The following CAMK4 variants were observed in gnomAD, a reference collection of about 807,000 sequenced individuals.
The protein encoded by CAMK4 is calcium/calmodulin dependent protein kinase IV, also known as calcium/calmodulin-dependent protein kinase type IV.
CAMK4 carries 22 observed loss-of-function variants against 44.9 expected under a neutral mutation model. The ratio of observed to expected loss-of-function variants is 0.49; its 90% CI spans 0.35 to 0.70. The LOEUF (loss-of-function observed/expected upper bound fraction) is 0.70, where lower values mean the gene tolerates loss of function less well. CAMK4 is among the 30% of genes least tolerant of loss of function. The pLI, the probability that CAMK4 is intolerant of heterozygous loss-of-function variation, is 0.01. For missense variants in CAMK4, 498 were observed against 586.8 expected, an observed-to-expected ratio of 0.85 and a Z score of 1.56; for synonymous variants, 218 against 215.4, an observed-to-expected ratio of 1.01 and a Z score of -0.11.
Position 111,412,474 on chromosome 5 carries a change from A to G in CAMK4, c.459+17692A>G, listed in dbSNP as rs563601890. Among the ~76,000 whole-genome samples, 7 of 152,356 alleles carry G rather than the reference A, an allele frequency of 4.6e-5. No homozygotes were observed. The East Asian group carries it at 1.3e-3, about 29-fold the overall frequency. The stretch of plus-strand genomic sequence containing the variant: ...ACAGAATGCCAGAAGAAGATAAACA[A>G]TATACTGGAAGGACAAAATCAAACC... On this transcript the variant is annotated intron_variant, in intron 5 of 10. Coordinates refer to ENST00000282356, the MANE Select transcript of CAMK4 (RefSeq NM_001744.6).
intron 1 of CAMK4, among the ~76,000 whole-genome samples, chr5:111,268,088 C>T (rs555668381): frequency 6.6e-6 from 1 of 152,260 alleles, no homozygotes; most frequent in South Asian, 2.1e-4. Flanking sequence ...TGAAGAGCTG[C>T]CTGGTGGAAG....
At chr5:111,464,860 A>G (rs1754767147) in intron 7 of CAMK4, among the ~76,000 whole-genome samples, 1 of 152,234 alleles carries the variant, frequency 6.6e-6, no homozygotes, top group African/African-American at 2.4e-5. Context: ...TTAATACCAC[A>G]CACTATGTAT....
Position 111,489,532 on chromosome 5 carries a change from G to A in CAMK4, c.*5066G>A, listed in dbSNP as rs191940838. 5 of 152,204 alleles carry A rather than the reference G, an allele frequency of 3.3e-5. No homozygotes were observed. The highest frequency in any genetic ancestry group is 1.2e-4 in the African/African-American group (5 of 41,526). The allele number at this position is 152,204 out of a possible 1,614,324, so 9.4% of individuals were successfully genotyped here. On this transcript the variant is annotated 3_prime_UTR_variant, in exon 11 of 11. Transcript: ENST00000282356. ...CTCTGTGATGTACTCAAGACGATTG[G>A]GTTGTGTGATACTAACTTCCTTCAA...
At chr5:111,471,474 T>C (rs1348735815) in intron 7 of CAMK4, among the ~76,000 whole-genome samples, 3 of 152,248 alleles carry the variant, frequency 2.0e-5, no homozygotes, top group Non-Finnish European at 4.4e-5. Flanking sequence ...AAACTTTTTA[T>C]AAAGCCTCAG....
chr5:111,357,447 A>G (rs1454163802), intron 2 of CAMK4, among the ~76,000 whole-genome samples: 1 of 152,140 alleles, frequency 6.6e-6, no homozygotes, highest in Admixed American at 6.6e-5. Context: ...GGGGAAAGCT[A>G]TCATCTTAGA....
chr5:111,392,412 C>G (rs554445655), intron 4 of CAMK4, among the ~76,000 whole-genome samples: 3 of 152,248 alleles, frequency 2.0e-5, no homozygotes, highest in African/African-American at 7.2e-5. Flanking sequence ...ATCCAATCAC[C>G]TCCCACTGGG....
intron 5 of CAMK4, among the ~76,000 whole-genome samples, chr5:111,425,428 C>T (rs556660219): frequency 3.1e-4 from 47 of 152,330 alleles, no homozygotes; most frequent in Admixed American, 7.8e-4. Context: ...TAGCAGCTTC[C>T]TGTGCTTTCA....
chr5:111,308,897 CCTT>C (rs1208676300), intron 1 of CAMK4, among the ~76,000 whole-genome samples: 1 of 151,966 alleles, frequency 6.6e-6, no homozygotes, highest in East Asian at 1.9e-4. Flanking sequence ...ATATAATTAA[CCTT>C]CTATTTGCCA....
intron 7 of CAMK4, among the ~76,000 whole-genome samples, chr5:111,460,382 C>G (rs543495391): frequency 6.6e-6 from 1 of 150,912 alleles, no homozygotes; most frequent in African/African-American, 2.4e-5. Flanking sequence ...AGCAATTCTC[C>G]TGCCTCAGCC....
intron 1 of CAMK4, among the ~76,000 whole-genome samples, chr5:111,317,730 C>G (rs1379127824): frequency 2.6e-5 from 4 of 151,784 alleles, no homozygotes; most frequent in East Asian, 3.9e-4. Flanking sequence ...CCTGTACAGC[C>G]CCACAGATTC....
At chr5:111,302,204 C>A (rs1206856775) in intron 1 of CAMK4, 11 of 152,162 alleles carry the variant, frequency 7.2e-5, no homozygotes, top group Non-Finnish European at 1.5e-5. Context: ...CTCGGGGTCC[C>A]AATTACCTTA....
At chr5:111,395,167 G>A (rs1453997653) in intron 5 of CAMK4, among the ~76,000 whole-genome samples, 4 of 135,990 alleles carry the variant, frequency 2.9e-5, no homozygotes, top group African/African-American at 5.5e-5. Context: ...CCAAGGTCAC[G>A]CCACTGTACT....
chr5:111,259,033 A>C (rs917047057), intron 1 of CAMK4, among the ~76,000 whole-genome samples: 2 of 152,180 alleles, frequency 1.3e-5, no homozygotes, highest in African/African-American at 4.8e-5. Flanking sequence ...GTCAAGTGGT[A>C]ACTCATTTTG....
chr5:111,344,971 T>C (rs1263721187), intron 2 of CAMK4, among the ~76,000 whole-genome samples: 2 of 151,888 alleles, frequency 1.3e-5, no homozygotes, highest in East Asian at 1.9e-4. Context: ...TGAACAAATA[T>C]GTGAAATGTA....
intron 1 of CAMK4, among the ~76,000 whole-genome samples, chr5:111,339,675 G>A (rs1203047508): frequency 2.6e-5 from 4 of 151,288 alleles, no homozygotes; most frequent in African/African-American, 9.7e-5. Context: ...TTCTAGCTTT[G>A]TTCTTTTTGC....
At chr5:111,337,781 GC>G (rs1484013103) in intron 1 of CAMK4, among the ~76,000 whole-genome samples, 5 of 151,190 alleles carry the variant, frequency 3.3e-5, no homozygotes, top group Admixed American at 2.0e-4. Context: ...ACAGCAGTGG[GC>G]CAAATTAGTA....
chr5:111,247,518 T>G (rs775798835), intron 1 of CAMK4, among the ~76,000 whole-genome samples: 85 of 150,096 alleles, frequency 5.7e-4, no homozygotes, highest in Non-Finnish European at 9.8e-4. Context: ...AAATATTATT[T>G]TATTTATAAA....
At position 111,486,529 on chromosome 5, in the gene CAMK4, A is replaced by AC. The variant is rs1755631928; in HGVS notation, c.*2064dup. ...CACACACACACACACACACACACAC[A>AC]CACACACACACACGTGTTGGAAGAG... On this transcript the variant is annotated 3_prime_UTR_variant, in exon 11 of 11. Coordinates refer to ENST00000282356, the MANE Select transcript of CAMK4 (RefSeq NM_001744.6). The AC allele has an allele frequency of 1.3e-4, 18 of 141,120 alleles. No homozygotes were observed. Among genetic ancestry groups the AC allele is most frequent in the Non-Finnish European group, 2.6e-4 (17 of 65,910 alleles). 8.7% of individuals were successfully genotyped at this position (141,120 alleles called of 1,614,324 possible).
chr5:111,411,819 TA>T, intron 5 of CAMK4, among the ~76,000 whole-genome samples: 1 of 152,292 alleles, frequency 6.6e-6, no homozygotes, highest in Non-Finnish European at 1.5e-5. Context: ...CAAAATATCC[TA>T]AAATACAAAA....
Sources: allele counts gnomAD v4.1 joint callset (sites outside exome capture counted in the v4.1 genomes callset), GRCh38; gene constraint gnomAD v4.1.1; transcripts MANE v1.5; gene names NCBI Gene and HGNC (gene_info 2026-07-23, HGNC 2026-07-21).